Variants in ANKS1B observed in about 807,000 individuals in gnomAD.
ANKS1B encodes ankyrin repeat and sterile alpha motif domain-containing protein 1B.
A neutral mutation model predicts 148.3 loss-of-function variants in ANKS1B; 36 were observed. The observed-to-expected ratio is 0.24, with a 90% CI of 0.19 to 0.32. The LOEUF is 0.32. Among genes scored for constraint, ANKS1B ranks in the 10% least tolerant of loss-of-function variants. ANKS1B has a pLI of 1.00. For missense variants in ANKS1B, 1,157 were observed against 1,542.6 expected, an observed-to-expected ratio of 0.75 and a Z score of 4.19; for synonymous variants, 542 against 560.8, an observed-to-expected ratio of 0.97 and a Z score of 0.47.
At chr12:99,162,815 T>G (rs1252556684) in intron 14 of ANKS1B, among the ~76,000 whole-genome samples, 1 of 152,198 alleles carries the variant, frequency 6.6e-6, no homozygotes, top group Non-Finnish European at 1.5e-5. Flanking sequence ...ATCTCAGCAC[T>G]CTGGGAGGCC....
chr12:99,645,398 G>A (rs1302822121), intron 9 of ANKS1B, among the ~76,000 whole-genome samples: 1 of 152,140 alleles, frequency 6.6e-6, no homozygotes, highest in African/African-American at 2.4e-5. Flanking sequence ...TATCTCCAAA[G>A]TATGTAGTAG....
chr12:99,351,642 G>C (rs2091434241), intron 12 of ANKS1B, among the ~76,000 whole-genome samples: 1 of 151,980 alleles, frequency 6.6e-6, no homozygotes, highest in Non-Finnish European at 1.5e-5. Context: ...ATGAGGATTA[G>C]AAATAATACA....
At chr12:99,061,873 A>T (rs953723864) in intron 16 of ANKS1B, among the ~76,000 whole-genome samples, 3 of 152,218 alleles carry the variant, frequency 2.0e-5, no homozygotes, top group Admixed American at 2.0e-4. Context: ...GTTTGTTGGC[A>T]TTTCTCTGTC....
At chr12:99,878,252 AAGG>A (rs1281900007) in intron 1 of ANKS1B, among the ~76,000 whole-genome samples, 1 of 152,194 alleles carries the variant, frequency 6.6e-6, no homozygotes, top group Non-Finnish European at 1.5e-5. Flanking sequence ...GTAGAAGAGA[AAGG>A]AGAAGATTCA....
intron 10 of ANKS1B, among the ~76,000 whole-genome samples, chr12:99,468,664 A>G (rs1337033725): frequency 6.6e-6 from 1 of 152,244 alleles, no homozygotes; most frequent in Non-Finnish European, 1.5e-5. Flanking sequence ...GAACACATTT[A>G]TGCAGCCAAA....
At chr12:99,635,502 A>C (rs1244954150) in intron 9 of ANKS1B, among the ~76,000 whole-genome samples, 1 of 152,224 alleles carries the variant, frequency 6.6e-6, no homozygotes, top group Admixed American at 6.5e-5. Context: ...GCCAGTCACA[A>C]AAAGATAAAT....
intron 12 of ANKS1B, among the ~76,000 whole-genome samples, chr12:99,267,829 C>T (rs1452449189): frequency 6.6e-6 from 1 of 152,134 alleles, no homozygotes; most frequent in Non-Finnish European, 1.5e-5. Flanking sequence ...AGGTGCATTC[C>T]AAGCACAGGA....
chr12:99,973,233 T>C (rs1335328958), intron 1 of ANKS1B, among the ~76,000 whole-genome samples: 3 of 152,198 alleles, frequency 2.0e-5, no homozygotes, highest in Non-Finnish European at 4.4e-5. Flanking sequence ...ATTTAAGAAA[T>C]ACATTTTGTA....
chr12:98,749,568 G>A (rs1337342838), intron 26 of ANKS1B, among the ~76,000 whole-genome samples: 11 of 152,100 alleles, frequency 7.2e-5, no homozygotes, highest in Admixed American at 2.6e-4. Flanking sequence ...TCAAGTAGCC[G>A]AGACCTGAAT....
intron 10 of ANKS1B, among the ~76,000 whole-genome samples, chr12:99,475,141 G>A (rs951514232): frequency 6.6e-6 from 1 of 151,450 alleles, no homozygotes; most frequent in African/African-American, 2.4e-5. Context: ...CTACTTGGGA[G>A]GCTGAGGCAG....
Position 98,801,172 on chromosome 12 carries a change from T to C in ANKS1B, c.3142-47A>G. ...GAGGCAATATGAGCAGTCAGCAAAGTTCATTCCCTGTAGCTACCCTGAGCT... is the reference window on the plus strand; with the variant it reads ...GAGGCAATATGAGCAGTCAGCAAAGCTCATTCCCTGTAGCTACCCTGAGCT... On this transcript the variant is annotated intron_variant, in intron 20 of 26. Coordinates refer to ENST00000683438, the MANE Select transcript of ANKS1B (RefSeq NM_001352186.2). The surrounding 1 kb of genome is among the most constrained non-coding windows in gnomAD (Gnocchi z 5.2). The C allele has an allele frequency of 6.2e-7, 1 of 1,601,222 alleles. No individual in the cohort carries two copies. The highest frequency in any genetic ancestry group is 8.5e-7 in the Non-Finnish European group (1 of 1,172,942).
At chr12:98,982,968 G>C (rs1568181393) in intron 17 of ANKS1B, among the ~76,000 whole-genome samples, 1 of 152,186 alleles carries the variant, frequency 6.6e-6, no homozygotes, top group Non-Finnish European at 1.5e-5. Context: ...GTTTTCTAGA[G>C]TGGTTATATT....
intron 17 of ANKS1B, among the ~76,000 whole-genome samples, chr12:98,966,086 G>T (rs1210735001): frequency 6.6e-6 from 1 of 152,132 alleles, no homozygotes; most frequent in Non-Finnish European, 1.5e-5. Context: ...CATGGCAAAA[G>T]AAACTACCAT....
chr12:99,855,399 C>T (rs2088842796), intron 1 of ANKS1B, among the ~76,000 whole-genome samples: 1 of 151,946 alleles, frequency 6.6e-6, no homozygotes, highest in Admixed American at 6.6e-5. Flanking sequence ...ACTGGAGATC[C>T]CAAATTTATG....
chr12:99,655,773 TATAAAAATGTTTACACCATAAAAATA>T (rs1405060741), intron 8 of ANKS1B, among the ~76,000 whole-genome samples: 1 of 152,166 alleles, frequency 6.6e-6, no homozygotes, highest in Non-Finnish European at 1.5e-5. Flanking sequence ...GTAGAACATT[TATAAAAATGTTTACACCATAAAAATA>T]AGGATGACAG....
intron 14 of ANKS1B, among the ~76,000 whole-genome samples, chr12:99,186,544 C>T (rs1045088410): frequency 1.3e-5 from 2 of 152,174 alleles, no homozygotes; most frequent in South Asian, 2.1e-4. Context: ...GAGGAAGGAT[C>T]AGGCAGCAGT....
At chr12:99,585,296 A>G (rs2153231292) in intron 9 of ANKS1B, among the ~76,000 whole-genome samples, 1 of 152,208 alleles carries the variant, frequency 6.6e-6, no homozygotes, top group East Asian at 1.9e-4. Flanking sequence ...TTAAAGCTCC[A>G]AAATGATCTC....
chr12:99,645,867 G>A (rs556140485), intron 9 of ANKS1B, among the ~76,000 whole-genome samples: 6 of 152,114 alleles, frequency 3.9e-5, no homozygotes, highest in Admixed American at 1.3e-4. Flanking sequence ...AGGTTCCACC[G>A]TTGTCAGTCT....
At chr12:98,754,748 T>C (rs2098189879) in intron 25 of ANKS1B, among the ~76,000 whole-genome samples, 1 of 152,218 alleles carries the variant, frequency 6.6e-6, no homozygotes, top group African/African-American at 2.4e-5. Flanking sequence ...CACATGATTA[T>C]GGGAAGCCTA....
Sources: gnomAD v4.1 joint callset for allele counts (sites outside exome capture counted in the v4.1 genomes callset) on GRCh38, gnomAD v4.1.1 for gene constraint, Gnocchi (gnomAD v3.1) non-coding constraint, MANE v1.5 for transcripts, NCBI Gene and HGNC (gene_info 2026-07-23, HGNC 2026-07-21) for gene names.